ZNF704: variants seen among roughly 807,000 people sequenced by gnomAD.
ZNF704 encodes the protein glucocorticoid induced gene 1.
Under a neutral mutation model 44.7 loss-of-function variants are expected in ZNF704, and 10 were observed. The observed-to-expected ratio is 0.22, with a 90% confidence interval of 0.14 to 0.38. The LOEUF (loss-of-function observed/expected upper bound fraction) is 0.38, where lower values mean the gene tolerates loss of function less well. Ranked by LOEUF, ZNF704 falls within the 10% of genes least tolerant of loss-of-function variation. ZNF704 has a pLI of 1.00. For missense variants in ZNF704, 390 were observed against 545.5 expected (o/e 0.71, Z 2.84); for synonymous variants, 211 against 207.6 (o/e 1.02, Z -0.14).
At chr8:80,804,008 A>C (rs1271989455) in intron 2 of ZNF704, among the ~76,000 whole-genome samples, 1 of 152,230 alleles carries the variant, frequency 6.6e-6, no homozygotes, top group Non-Finnish European at 1.5e-5. Context: ...TCCATTAAAA[A>C]GTGGGGAAAG....
intron 2 of ZNF704, among the ~76,000 whole-genome samples, chr8:80,779,537 C>T (rs1807474951): frequency 6.6e-6 from 1 of 151,984 alleles, no homozygotes. Flanking sequence ...TTAAAATATT[C>T]CATAAAAACG....
At chr8:80,644,074 G>A (rs1011930085) in intron 7 of ZNF704, among the ~76,000 whole-genome samples, 2 of 152,142 alleles carry the variant, frequency 1.3e-5, no homozygotes, top group Non-Finnish European at 2.9e-5. Flanking sequence ...CTTACTGAGC[G>A]CTCACTATGT....
intron 2 of ZNF704, among the ~76,000 whole-genome samples, chr8:80,816,857 A>G (rs1019080784): frequency 2.0e-5 from 3 of 152,078 alleles, no homozygotes; most frequent in African/African-American, 7.2e-5. Context: ...TAATGCACTT[A>G]CTCCAAATCA....
intron 2 of ZNF704, among the ~76,000 whole-genome samples, chr8:80,778,991 T>G (rs1013994593): frequency 2.6e-5 from 4 of 152,160 alleles, no homozygotes; most frequent in South Asian, 2.1e-4. Flanking sequence ...TCTGCACATG[T>G]ACCCCTGAAC....
chr8:80,746,765 A>G (rs1806852008), intron 2 of ZNF704, among the ~76,000 whole-genome samples: 1 of 152,216 alleles, frequency 6.6e-6, no homozygotes, highest in African/African-American at 2.4e-5. Context: ...CCTGGGTGCC[A>G]TGGAGATTGG....
chr8:80,845,820 T>A (rs1808759220), intron 1 of ZNF704, among the ~76,000 whole-genome samples: 1 of 152,164 alleles, frequency 6.6e-6, no homozygotes, highest in Non-Finnish European at 1.5e-5. Context: ...TGGTGTCTGA[T>A]ATTCCTAATT....
chr8:80,811,327 G>C (rs1808078435), intron 2 of ZNF704, among the ~76,000 whole-genome samples: 1 of 151,944 alleles, frequency 6.6e-6, no homozygotes, highest in African/African-American at 2.4e-5. Flanking sequence ...AATTATTTTT[G>C]CCTGTTTCTT....
intron 4 of ZNF704, among the ~76,000 whole-genome samples, chr8:80,682,498 T>C (rs1818469468): frequency 6.6e-6 from 1 of 152,250 alleles, no homozygotes; most frequent in Admixed American, 6.5e-5. Context: ...GATTTCCTTT[T>C]ATGCCCCCAA....
intron 1 of ZNF704, among the ~76,000 whole-genome samples, chr8:80,866,946 G>C (rs1809165552): frequency 6.6e-6 from 1 of 152,094 alleles, no homozygotes; most frequent in South Asian, 2.1e-4. Context: ...GCAGATTCAG[G>C]GTAGGGCTTG....
At chr8:80,701,408 C>T (rs1818808088) in intron 2 of ZNF704, among the ~76,000 whole-genome samples, 1 of 151,848 alleles carries the variant, frequency 6.6e-6, no homozygotes, top group South Asian at 2.1e-4. Context: ...GAATTGAGGC[C>T]TCTAGGCAAG....
At chr8:80,705,203 G>A (rs1818876600) in intron 2 of ZNF704, among the ~76,000 whole-genome samples, 1 of 152,182 alleles carries the variant, frequency 6.6e-6, no homozygotes. Flanking sequence ...GACTGCCACT[G>A]AGGCTGCATA....
chr8:80,759,301 A>G (rs1420492396), intron 2 of ZNF704, among the ~76,000 whole-genome samples: 2 of 143,480 alleles, frequency 1.4e-5, no homozygotes, highest in Admixed American at 1.4e-4. Context: ...TTTTTTTTCC[A>G]CTAGCAAAAT....
intron 1 of ZNF704, among the ~76,000 whole-genome samples, chr8:80,873,144 A>T (rs1345817257): frequency 2.0e-5 from 3 of 151,554 alleles, no homozygotes; most frequent in African/African-American, 7.3e-5. Context: ...AGAAGGGGAC[A>T]CTCCTTCCTT....
At chr8:80,804,646 G>A (rs572769479) in intron 2 of ZNF704, among the ~76,000 whole-genome samples, 252 of 152,220 alleles carry the variant, frequency 1.7e-3, no homozygotes, top group Middle Eastern at 3.4e-3. Flanking sequence ...ATGGACACAT[G>A]GTGGGGAAAA....
intron 2 of ZNF704, among the ~76,000 whole-genome samples, chr8:80,764,570 T>C (rs1365938769): frequency 2.0e-5 from 3 of 152,164 alleles, no homozygotes; most frequent in Non-Finnish European, 2.9e-5. Context: ...AGGGGAGATT[T>C]TTTGTGTTTT....
In ZNF704 at chr8:80,821,471, G is replaced by A. The variant is rs529375228; in HGVS notation, c.124C>T (p.Arg42Trp). The A allele has an allele frequency of 6.2e-6, 10 of 1,614,140 alleles. No individual in the cohort carries two copies. The highest frequency in any genetic ancestry group is 2.7e-5 in the African/African-American group (2 of 75,036). ...VKTADTKKAS[R>W]ILDHEKENTR... ...TTTTCTTTTTCATGGTCAAGGATCC[G>A]GCTGGCTTTTTTGGTGTCTGCTGTT... The change falls in exon 2 of 9, where the codon CGG becomes TGG. Residue 42 changes from arginine to tryptophan, a missense_variant. Physicochemically the swap from Arg to Trp is moderately radical, Grantham distance 101. Around this residue, in one of 3 missense-constraint regions of ZNF704, gnomAD observed 80 missense variants for 83.7 expected, o/e 0.96. Coordinates refer to ENST00000327835, the MANE Select transcript of ZNF704 (RefSeq NM_001033723.3).
At chr8:80,828,605 C>T (rs573290203) in intron 1 of ZNF704, among the ~76,000 whole-genome samples, 1 of 152,190 alleles carries the variant, frequency 6.6e-6, no homozygotes, top group East Asian at 1.9e-4. Context: ...AGAATACATG[C>T]TTGTTTCTTT....
chr8:80,670,804 G>C (rs1294295395), intron 4 of ZNF704, among the ~76,000 whole-genome samples: 3 of 152,150 alleles, frequency 2.0e-5, no homozygotes, highest in Non-Finnish European at 4.4e-5. Context: ...TATCCTTCAA[G>C]AGAAATGGGC....
At chr8:80,788,622 T>G (rs1807653890) in intron 2 of ZNF704, among the ~76,000 whole-genome samples, 1 of 152,200 alleles carries the variant, frequency 6.6e-6, no homozygotes, top group Admixed American at 6.5e-5. Flanking sequence ...TGTTGGAAAC[T>G]GTAGAAAGGA....
Sources: gnomAD v4.1 joint callset for allele counts (sites outside exome capture counted in the v4.1 genomes callset) on GRCh38, gnomAD v4.1.1 for gene constraint, gnomAD v4.1.1 regional missense constraint, MANE v1.5 for transcripts, NCBI Gene and HGNC (gene_info 2026-07-23, HGNC 2026-07-21) for gene names.